FRMD6: variants seen among roughly 807,000 people sequenced by gnomAD.
FRMD6 encodes FERM domain containing 6.
FRMD6 carries 37 observed loss-of-function variants against 73.2 expected under a neutral mutation model. The ratio of observed to expected loss-of-function variants is 0.51; its 90% CI spans 0.39 to 0.66. The LOEUF is 0.66. Among genes scored for constraint, FRMD6 ranks in the 30% least tolerant of loss-of-function variants. FRMD6 has a pLI of 0.00. For missense variants in FRMD6, 714 were observed against 780.5 expected, an observed-to-expected ratio of 0.91 and a Z score of 1.02; for synonymous variants, 273 against 282.2, an observed-to-expected ratio of 0.97 and a Z score of 0.33.
the FRMD6 span, among the ~76,000 whole-genome samples, chr14:51,398,874 T>G: frequency 6.6e-6 from 1 of 152,160 alleles, no homozygotes; most frequent in Non-Finnish European, 1.5e-5. Context: ...AACCTAGATC[T>G]GCTCACTCCT....
chr14:51,597,529 C>T (rs916584924), intron 2 of FRMD6, among the ~76,000 whole-genome samples: 1 of 152,146 alleles, frequency 6.6e-6, no homozygotes, highest in Non-Finnish European at 1.5e-5. Context: ...GGCTGGAATG[C>T]AGAATGTGTA....
chr14:51,537,303 AG>A (rs1885953832), intron 1 of FRMD6, among the ~76,000 whole-genome samples: 1 of 152,112 alleles, frequency 6.6e-6, no homozygotes, highest in Non-Finnish European at 1.5e-5. Context: ...TATACATTGA[AG>A]TTTCCTCCGT....
the FRMD6 span, among the ~76,000 whole-genome samples, chr14:51,447,860 T>C: frequency 5.3e-5 from 8 of 152,184 alleles, no homozygotes; most frequent in Non-Finnish European, 1.2e-4. Context: ...TACTTATAAC[T>C]TTAAATCCCT....
At chr14:51,419,191 G>C in the FRMD6 span, among the ~76,000 whole-genome samples, 3 of 152,194 alleles carry the variant, frequency 2.0e-5, no homozygotes, top group Non-Finnish European at 4.4e-5. Flanking sequence ...TGTGCCCACT[G>C]TCCAACCAGT....
chr14:51,704,382 T>G (rs140749099), intron 5 of FRMD6, among the ~76,000 whole-genome samples: 112 of 152,292 alleles, frequency 7.4e-4, no homozygotes, highest in African/African-American at 2.6e-3. Context: ...GTAGCATCAT[T>G]GTAGCAACAT....
At chr14:51,516,241 T>C (rs1380485267) in intron 1 of FRMD6, among the ~76,000 whole-genome samples, 1 of 152,184 alleles carries the variant, frequency 6.6e-6, no homozygotes, top group Non-Finnish European at 1.5e-5. Context: ...CAAAATGTGT[T>C]CCACCTGAGT....
At chr14:51,421,533 C>T in the FRMD6 span, among the ~76,000 whole-genome samples, 1 of 152,112 alleles carries the variant, frequency 6.6e-6, no homozygotes, top group South Asian at 2.1e-4. Flanking sequence ...GGGTGTGGTT[C>T]TGGATATAAG....
intron 2 of FRMD6, among the ~76,000 whole-genome samples, chr14:51,642,604 T>C (rs951727424): frequency 1.3e-5 from 2 of 152,148 alleles, no homozygotes; most frequent in African/African-American, 2.4e-5. Context: ...CAAAGCTTGA[T>C]TACTTTACCT....
At chr14:51,645,603 A>ATTTTTTAT (rs955219322) in intron 2 of FRMD6, among the ~76,000 whole-genome samples, 1 of 151,918 alleles carries the variant, frequency 6.6e-6, no homozygotes, top group Non-Finnish European at 1.5e-5. Context: ...CGCCCAGCTA[A>ATTTTTTAT]TTTTTTATTT....
chr14:51,723,050 C>T (rs1897719811), intron 12 of FRMD6, among the ~76,000 whole-genome samples: 1 of 152,216 alleles, frequency 6.6e-6, no homozygotes, highest in Non-Finnish European at 1.5e-5. Context: ...CCTGGCTTCC[C>T]AGACCTGCCT....
chr14:51,587,914 T>A (rs1025296395), intron 2 of FRMD6, among the ~76,000 whole-genome samples: 2 of 151,864 alleles, frequency 1.3e-5, no homozygotes, highest in Non-Finnish European at 2.9e-5. Flanking sequence ...CAAGAAAAAG[T>A]TTAGGGTTAC....
the FRMD6 span, among the ~76,000 whole-genome samples, chr14:51,428,482 T>G: frequency 6.6e-6 from 1 of 152,210 alleles, no homozygotes; most frequent in Non-Finnish European, 1.5e-5. Context: ...GTTACAAGTC[T>G]TCAGATGAAG....
Position 51,715,506 on chromosome 14 carries a change from C to A in FRMD6, c.1024+7C>A. 1 of 1,605,952 alleles carries A rather than the reference C, an allele frequency of 6.2e-7. No individual in the cohort carries two copies. The highest frequency in any genetic ancestry group is 1.1e-5 in the South Asian group (1 of 89,730). On this transcript the variant is annotated splice_region_variant and intron_variant, in intron 10 of 13. Coordinates refer to ENST00000344768, the MANE Select transcript of FRMD6 (RefSeq NM_001267046.2). ...AAGCTGGAGGAAAACGAAGGTATTG[C>A]AGGGTCTGGGGTGTGGAAGCAAATT...
intron 10 of FRMD6, among the ~76,000 whole-genome samples, chr14:51,716,917 T>C (rs1897270379): frequency 6.6e-6 from 1 of 152,246 alleles, no homozygotes; most frequent in Admixed American, 6.5e-5. Flanking sequence ...CCAAGTCAGC[T>C]TCATTCCTAA....
At chr14:51,511,999 A>G (rs1171906449) in intron 1 of FRMD6, among the ~76,000 whole-genome samples, 3 of 152,204 alleles carry the variant, frequency 2.0e-5, no homozygotes, top group African/African-American at 4.8e-5. Flanking sequence ...TCTTTTGGTA[A>G]TAATACTTCA....
chr14:51,469,571 C>T, the FRMD6 span, among the ~76,000 whole-genome samples: 1 of 146,906 alleles, frequency 6.8e-6, no homozygotes, highest in African/African-American at 2.5e-5. Context: ...CAAGATAGCG[C>T]CACTGCACTC....
the FRMD6 span, among the ~76,000 whole-genome samples, chr14:51,416,249 T>C: frequency 6.6e-6 from 1 of 152,222 alleles, no homozygotes; most frequent in Non-Finnish European, 1.5e-5. Flanking sequence ...GATGTTAGGG[T>C]GTCAATTTTA....
At chr14:51,659,294 A>G (rs1430686750) in intron 1 of FRMD6, among the ~76,000 whole-genome samples, 1 of 152,230 alleles carries the variant, frequency 6.6e-6, no homozygotes, top group Non-Finnish European at 1.5e-5. Flanking sequence ...AACAAATGGC[A>G]TGGTCTTTGA....
At chr14:51,420,383 G>C in the FRMD6 span, among the ~76,000 whole-genome samples, 1 of 152,212 alleles carries the variant, frequency 6.6e-6, no homozygotes, top group African/African-American at 2.4e-5. Flanking sequence ...CTGATATTGA[G>C]GGTTAGAGGG....
Sources: allele counts gnomAD v4.1 joint callset (sites outside exome capture counted in the v4.1 genomes callset), GRCh38; gene constraint gnomAD v4.1.1; transcripts MANE v1.5; gene names NCBI Gene and HGNC (gene_info 2026-07-23, HGNC 2026-07-21).